MTRF1: variants seen among roughly 807,000 people sequenced by gnomAD.
The protein encoded by MTRF1 is peptide chain release factor 1, mitochondrial.
A neutral mutation model predicts 62.9 loss-of-function variants in MTRF1; 51 were observed. That is an observed-to-expected ratio of 0.81 (90% CI 0.65 to 1.02). The LOEUF (loss-of-function observed/expected upper bound fraction) is 1.02. MTRF1 is among the 50% of genes least tolerant of loss of function. The pLI, the probability that MTRF1 is intolerant of heterozygous loss-of-function variation, is 0.00. For missense variants in MTRF1, 446 were observed against 530.0 expected (o/e 0.84, Z 1.56); for synonymous variants, 158 against 181.9 (o/e 0.87, Z 1.06).
At chr13:41,288,894 T>C in the MTRF1 span, among the ~76,000 whole-genome samples, 8 of 152,290 alleles carry the variant, frequency 5.3e-5, no homozygotes, top group Admixed American at 5.2e-4. Context: ...GGTGCAGTGA[T>C]GGTTCAAGAA....
chr13:41,249,768 A>G (rs2038823459), intron 5 of MTRF1, among the ~76,000 whole-genome samples: 1 of 151,112 alleles, frequency 6.6e-6, no homozygotes, highest in South Asian at 2.1e-4. Context: ...CTGGGATTAC[A>G]AGTACGCACT....
At chr13:41,291,393 A>G in the MTRF1 span, among the ~76,000 whole-genome samples, 8,019 of 151,948 alleles carry the variant, frequency 0.053, 280 homozygotes, top group Non-Finnish European at 0.074. Context: ...GCCTAGGGAT[A>G]TCTTGAACTC....
At chr13:41,281,634 C>T in the MTRF1 span, among the ~76,000 whole-genome samples, 3 of 152,116 alleles carry the variant, frequency 2.0e-5, no homozygotes, top group Non-Finnish European at 2.9e-5. Context: ...TGAAAAAGAA[C>T]GTGTTTAGAT....
intron 7 of MTRF1, among the ~76,000 whole-genome samples, chr13:41,233,178 A>G (rs2035890573): frequency 6.6e-6 from 1 of 152,218 alleles, no homozygotes; most frequent in Non-Finnish European, 1.5e-5. Flanking sequence ...TGAGGTAATT[A>G]CCAGAAGAAA....
chr13:41,274,324 T>G, the MTRF1 span, among the ~76,000 whole-genome samples: 1 of 152,232 alleles, frequency 6.6e-6, no homozygotes, highest in Non-Finnish European at 1.5e-5. Flanking sequence ...TCCTCATGTT[T>G]CAGCTCGAGG....
chr13:41,264,557 A>C (rs1435394165), upstream of MTRF1, among the ~76,000 whole-genome samples: 1 of 152,268 alleles, frequency 6.6e-6, no homozygotes, highest in African/African-American at 2.4e-5. Flanking sequence ...TTATAATCAC[A>C]TACATAGATA....
At chr13:41,306,344 A>G in the MTRF1 span, among the ~76,000 whole-genome samples, 1 of 152,034 alleles carries the variant, frequency 6.6e-6, no homozygotes, top group South Asian at 2.1e-4. Context: ...AGATCGCGCC[A>G]CTGCACTCCA....
At chr13:41,291,303 G>A in the MTRF1 span, among the ~76,000 whole-genome samples, 11 of 151,852 alleles carry the variant, frequency 7.2e-5, no homozygotes, top group African/African-American at 2.2e-4. Context: ...TCAGCCTCCC[G>A]AGTAGCTGGG....
the MTRF1 span, chr13:41,288,190 A>G: frequency 4.2e-6 from 2 of 481,644 alleles, no homozygotes; most frequent in South Asian, 1.5e-5. Context: ...CTACCTTAAC[A>G]TTGGCAGCAG....
chr13:41,297,378 C>T, the MTRF1 span, among the ~76,000 whole-genome samples: 1 of 152,092 alleles, frequency 6.6e-6, no homozygotes, highest in East Asian at 1.9e-4. Context: ...TCAAAACTTC[C>T]TTTTTATCTA....
chr13:41,234,064 G>T, intron 6 of MTRF1, 57 bp from the exon 7 acceptor site: 1 of 1,293,408 alleles, frequency 7.7e-7, no homozygotes, highest in Non-Finnish European at 1.1e-6. Context: ...ATATAAAATC[G>T]ATTCCAAGAT....
intron 6 of MTRF1, among the ~76,000 whole-genome samples, chr13:41,239,314 T>G (rs1344597760): frequency 6.6e-6 from 1 of 152,180 alleles, no homozygotes; most frequent in African/African-American, 2.4e-5. Context: ...ATATTAGATA[T>G]TATACAATTA....
the MTRF1 span, among the ~76,000 whole-genome samples, chr13:41,274,718 C>T: frequency 3.1e-4 from 47 of 151,470 alleles, no homozygotes; most frequent in African/African-American, 1.1e-3. Context: ...CACAGTTTCA[C>T]TCTGCTGCCT....
chr13:41,258,913 C>T (rs1260509476), intron 2 of MTRF1, among the ~76,000 whole-genome samples: 5 of 152,104 alleles, frequency 3.3e-5, no homozygotes, highest in Admixed American at 2.0e-4. Context: ...AGACCACTCA[C>T]AACTCAATAA....
At chr13:41,310,644 T>G in the MTRF1 span, among the ~76,000 whole-genome samples, 1 of 152,220 alleles carries the variant, frequency 6.6e-6, no homozygotes, top group Non-Finnish European at 1.5e-5. Context: ...CACTGCAGCC[T>G]GGGCGACAAG....
At chr13:41,263,803 T>TGGGAGGGGGGGA (rs936746372), upstream of MTRF1, among the ~76,000 whole-genome samples, 15 of 29,006 alleles carry the variant, frequency 5.2e-4, no homozygotes, top group African/African-American at 1.5e-3. Context: ...ATGGAGATGG[T>TGGGAGGGGGGGA]GGGAGGGAGG....
chr13:41,228,294 C>T lies in MTRF1; in HGVS notation c.989-1726G>A, dbSNP rs141492372. On this transcript the variant is annotated intron_variant, in intron 7 of 9. Coordinates refer to ENST00000379480, the MANE Select transcript of MTRF1 (RefSeq NM_004294.4). ...CTGAATAATAGAAGGGGGCTGGGCA[C>T]GATGGCTCACACCGGCAACCCCAGC... Among the ~76,000 whole-genome samples the T allele has an allele frequency of 5.3e-5, 8 of 152,206 alleles. No homozygotes were observed. In the South Asian group the frequency reaches 1.0e-3, roughly 20 times the overall value.
chr13:41,244,473 T>C (rs1470560137), intron 5 of MTRF1, among the ~76,000 whole-genome samples: 2 of 152,180 alleles, frequency 1.3e-5, no homozygotes, highest in Non-Finnish European at 2.9e-5. Context: ...TCTGGAAATA[T>C]AGATGTTAGT....
At chr13:41,282,358 G>A in the MTRF1 span, among the ~76,000 whole-genome samples, 169 of 152,032 alleles carry the variant, frequency 1.1e-3, no homozygotes, top group African/African-American at 3.7e-3. Context: ...TTGTGAAGCC[G>A]AGGCAGGAGG....
Sources: gnomAD v4.1 joint callset for allele counts (sites outside exome capture counted in the v4.1 genomes callset) on GRCh38, gnomAD v4.1.1 for gene constraint, MANE v1.5 for transcripts, NCBI Gene and HGNC (gene_info 2026-07-23, HGNC 2026-07-21) for gene names.